The following TEAD1 variants were observed in gnomAD, a reference collection of about 807,000 sequenced individuals.
TEAD1 encodes TEA domain transcription factor 1.
Under a neutral mutation model 54.9 loss-of-function variants are expected in TEAD1, and 9 were observed. That is an observed-to-expected ratio of 0.16 (90% CI 0.10 to 0.29). TEAD1 has a LOEUF of 0.29. Among genes scored for constraint, TEAD1 ranks in the 10% least tolerant of loss-of-function variants. TEAD1 has a pLI of 1.00. For missense variants in TEAD1, 387 were observed against 535.9 expected (o/e 0.72, Z 2.74); for synonymous variants, 200 against 187.8 (o/e 1.07, Z -0.53).
intron 2 of TEAD1, among the ~76,000 whole-genome samples, chr11:12,728,645 T>C (rs927098455): frequency 5.4e-4 from 82 of 152,294 alleles, no homozygotes; most frequent in African/African-American, 1.8e-3. Context: ...GCCTCCAGTG[T>C]GTTTCCAGAA....
intron 10 of TEAD1, among the ~76,000 whole-genome samples, chr11:12,902,613 TATA>T: frequency 6.6e-6 from 1 of 152,208 alleles, no homozygotes. Context: ...TGGGCATAAG[TATA>T]ATGTGTGTGT....
chr11:12,786,119 A>G (rs1266251945), intron 3 of TEAD1, among the ~76,000 whole-genome samples: 1 of 152,182 alleles, frequency 6.6e-6, no homozygotes, highest in African/African-American at 2.4e-5. Context: ...CCAGGTGTCC[A>G]CAGTCACAGC....
intron 3 of TEAD1, among the ~76,000 whole-genome samples, chr11:12,849,886 A>C (rs1947234731): frequency 6.6e-6 from 1 of 152,208 alleles, no homozygotes; most frequent in African/African-American, 2.4e-5. Context: ...TCTTAATGTT[A>C]AGATATCACA....
intron 12 of TEAD1, among the ~76,000 whole-genome samples, chr11:12,935,126 TAAATG>T (rs1447384469): frequency 6.6e-6 from 1 of 152,128 alleles, no homozygotes; most frequent in African/African-American, 2.4e-5. Flanking sequence ...CATCACAAAA[TAAATG>T]AAAACTGTAG....
chr11:12,894,051 A>T (rs575821805), intron 9 of TEAD1, among the ~76,000 whole-genome samples: 3 of 152,288 alleles, frequency 2.0e-5, no homozygotes, highest in Admixed American at 2.0e-4. Context: ...CGTGACAAGA[A>T]GTAAATGTAG....
Position 12,940,675 on chromosome 11 carries a change from A to T in TEAD1, c.*3453A>T, listed in dbSNP as rs181891150. 1 of 152,290 alleles carries T rather than the reference A, an allele frequency of 6.6e-6. No individual in the cohort carries two copies. Among genetic ancestry groups the T allele is most frequent in the Non-Finnish European group, 1.5e-5 (1 of 68,026 alleles). The allele number at this position is 152,290 out of a possible 1,614,324, so 9.4% of individuals were successfully genotyped here. ...TTAATCAACTCACACCTGTTTAAAG[A>T]GTGTTTCTGATTTGACCTTCATCCC... On this transcript the variant is annotated 3_prime_UTR_variant, in exon 13 of 13. Transcript: ENST00000527636.
At chr11:12,693,191 CT>C (rs1232657725) in intron 2 of TEAD1, among the ~76,000 whole-genome samples, 1 of 152,226 alleles carries the variant, frequency 6.6e-6, no homozygotes, top group Non-Finnish European at 1.5e-5. Flanking sequence ...AAGAACTTCG[CT>C]TTTAAGTCCT....
At chr11:12,792,854 G>A (rs368583639) in intron 3 of TEAD1, among the ~76,000 whole-genome samples, 2 of 152,134 alleles carry the variant, frequency 1.3e-5, no homozygotes, top group East Asian at 3.8e-4. Flanking sequence ...CCAAGAGTTT[G>A]AGACCAGCCT....
chr11:12,827,035 T>TG (rs974617457), intron 3 of TEAD1, among the ~76,000 whole-genome samples: 3 of 152,238 alleles, frequency 2.0e-5, no homozygotes, highest in African/African-American at 7.2e-5. Flanking sequence ...AGAATACCTC[T>TG]GGGTGCTGGA....
chr11:12,875,403 C>T (rs569776652), intron 5 of TEAD1, among the ~76,000 whole-genome samples: 2 of 152,188 alleles, frequency 1.3e-5, no homozygotes, highest in Admixed American at 6.5e-5. Flanking sequence ...GAGGTCCTTC[C>T]ATTGAAATCT....
At chr11:12,869,433 A>G (rs531406825) in intron 5 of TEAD1, among the ~76,000 whole-genome samples, 1 of 152,324 alleles carries the variant, frequency 6.6e-6, no homozygotes, top group African/African-American at 2.4e-5. Context: ...TGTTTAAAGA[A>G]TAAATTATAA....
intron 2 of TEAD1, among the ~76,000 whole-genome samples, chr11:12,761,820 G>A (rs1045085476): frequency 6.6e-6 from 1 of 152,190 alleles, no homozygotes; most frequent in Non-Finnish European, 1.5e-5. Flanking sequence ...ATAAATGGAA[G>A]CATTTCAACA....
chr11:12,795,220 C>G (rs1219864229), intron 3 of TEAD1, among the ~76,000 whole-genome samples: 2 of 152,154 alleles, frequency 1.3e-5, no homozygotes, highest in Admixed American at 6.5e-5. Context: ...ATTTCAGTCT[C>G]TAACTTTGTT....
chr11:12,762,176 CTGTGGTTT>C (rs1945115700), intron 2 of TEAD1, among the ~76,000 whole-genome samples: 1 of 152,054 alleles, frequency 6.6e-6, no homozygotes, highest in Admixed American at 6.5e-5. Flanking sequence ...AAGGACTGGC[CTGTGGTTT>C]TGTGCATGTG....
At chr11:12,716,391 C>G (rs1458079423) in intron 2 of TEAD1, among the ~76,000 whole-genome samples, 4 of 152,302 alleles carry the variant, frequency 2.6e-5, no homozygotes, top group Admixed American at 6.5e-5. Flanking sequence ...ATCCCTCCCC[C>G]CTCCATTGAG....
Position 12,719,173 on chromosome 11 carries a change from G to A in TEAD1, c.-55+43612G>A, listed in dbSNP as rs116147698. Among the ~76,000 whole-genome samples, 682 of 152,158 alleles carry A rather than the reference G, an allele frequency of 4.5e-3. 1 individual carries two copies. Among genetic ancestry groups the A allele is most frequent in the Admixed American group, 8.2e-3 (125 of 15,292 alleles). On this transcript the variant is annotated intron_variant, in intron 2 of 12. Coordinates refer to ENST00000527636, the MANE Select transcript of TEAD1 (RefSeq NM_021961.6). The stretch of plus-strand genomic sequence containing the variant: ...CCAAGCCCCCTCCTCCGCAGCCTGT[G>A]TTTAGCTGACTCTGACCACAGCTAA...
intron 2 of TEAD1, among the ~76,000 whole-genome samples, chr11:12,728,030 A>G (rs1944348234): frequency 6.6e-6 from 1 of 152,180 alleles, no homozygotes; most frequent in African/African-American, 2.4e-5. Flanking sequence ...GGCTGGTAGG[A>G]TGATGATGGG....
chr11:12,898,100 C>G (rs1948347209), intron 9 of TEAD1, among the ~76,000 whole-genome samples: 2 of 152,292 alleles, frequency 1.3e-5, no homozygotes, highest in South Asian at 4.1e-4. Context: ...CTATAAACAA[C>G]ACATTGCTCA....
chr11:12,774,503 G>GT (rs1162174158), intron 3 of TEAD1, among the ~76,000 whole-genome samples: 2 of 152,140 alleles, frequency 1.3e-5, no homozygotes, highest in African/African-American at 2.4e-5. Context: ...GGGACAGGAG[G>GT]TATATCAAGG....
Sources: gnomAD v4.1 joint callset for allele counts (sites outside exome capture counted in the v4.1 genomes callset) on GRCh38, gnomAD v4.1.1 for gene constraint, MANE v1.5 for transcripts, NCBI Gene and HGNC (gene_info 2026-07-23, HGNC 2026-07-21) for gene names.